Variants in SLC22A12 observed in about 807,000 individuals in gnomAD.
The protein encoded by SLC22A12 is organic anion transporter 4-like protein.
A neutral mutation model predicts 52.7 loss-of-function variants in SLC22A12; 56 were observed. The ratio of observed to expected loss-of-function variants is 1.06; its 90% confidence interval spans 0.86 to 1.33. The LOEUF (loss-of-function observed/expected upper bound fraction) is 1.33. Among genes scored for constraint, SLC22A12 ranks in the 40% most tolerant of loss-of-function variants. SLC22A12 has a pLI of 0.00. For synonymous variants in SLC22A12, 337 were observed against 324.6 expected, an observed-to-expected ratio of 1.04 and a Z score of -0.41; for missense variants, 683 against 741.5, an observed-to-expected ratio of 0.92 and a Z score of 0.92.
chr11:64,597,945 G>A (rs924209997), intron 4 of SLC22A12, among the ~76,000 whole-genome samples: 1 of 152,302 alleles, frequency 6.6e-6, no homozygotes, highest in South Asian at 2.1e-4. Context: ...AGCTGACAGG[G>A]TGCGGCCAGA....
chr11:64,593,466 G>C lies in SLC22A12; in HGVS notation c.568G>C (p.Ala190Pro), dbSNP rs771963398. 1.9e-6 allele frequency: 3 copies of C among 1,614,104 alleles called. No individual in the cohort carries two copies. In the South Asian group the frequency reaches 3.3e-5, roughly 18 times the overall value. ...TCAGATGGCTGTGATGGGTACGGCAGCTGCCTTCGCCCCTGCCTTCCCCGT... is the reference window on the plus strand; with the variant it reads ...TCAGATGGCTGTGATGGGTACGGCACCTGCCTTCGCCCCTGCCTTCCCCGT... ...YLQMAVMGTA[A>P]AFAPAFPVYC... is the part of the protein sequence containing the mutation. Residue 190 changes from alanine to proline, a missense_variant, in exon 3 of 10, where the codon GCT becomes CCT. By Grantham distance (27) the Ala-to-Pro change is conservative. Transcript: ENST00000377574.
At chr11:64,598,731 C>G (rs1467466929) in intron 5 of SLC22A12, 77 bp from the exon 6 acceptor site, 21 of 1,605,538 alleles carry the variant, frequency 1.3e-5, no homozygotes, top group Admixed American at 1.7e-5. Context: ...GACCTCAGCT[C>G]CCTGGGAAGA....
chr11:64,600,639 C>T (rs2039424361), intron 8 of SLC22A12, 96 bp from the exon 9 acceptor site: 1 of 1,564,480 alleles, frequency 6.4e-7, no homozygotes, highest in Non-Finnish European at 8.7e-7. Flanking sequence ...GCCTGACCCC[C>T]TGGGTCTCCC....
chr11:64,595,325 GGA>G, intron 4 of SLC22A12, among the ~76,000 whole-genome samples: 1 of 133,136 alleles, frequency 7.5e-6, no homozygotes, highest in Non-Finnish European at 1.6e-5. Flanking sequence ...ATGGATGGAT[GGA>G]TGGATGGTTG....
rs189421107 is a variant in SLC22A12 at position 64,593,276 on chromosome 11, C to T, written c.507-129C>T. 1.5e-5 allele frequency: 21 copies of T among 1,437,332 alleles called. No individual in the cohort carries two copies. The African/African-American group carries it at 2.1e-4, about 14-fold the overall frequency. 89.0% of individuals were successfully genotyped at this position (1,437,332 alleles called of 1,614,324 possible). A position where few individuals can be genotyped will look rare whatever the true frequency, so the allele number is the denominator to read the frequency against. On this transcript the variant is annotated intron_variant, in intron 2 of 9. Transcript: ENST00000377574. The stretch of plus-strand genomic sequence containing the variant: ...CCGTAGGTGGAGAATGTAGGTTTCA[C>T]CCAGGTGCCGCTTCAGTGTCCGCCT...
intron 4 of SLC22A12, among the ~76,000 whole-genome samples, chr11:64,595,915 T>G (rs1288719850): frequency 9.4e-6 from 1 of 106,052 alleles, no homozygotes; most frequent in African/African-American, 3.9e-5. Context: ...GGATAGATGG[T>G]TGGAAAAGAT....
intron 6 of SLC22A12, 59 bp from the exon 7 acceptor site, chr11:64,599,617 T>TCCCCCC: frequency 5.9e-5 from 1 of 17,020 alleles, no homozygotes. Flanking sequence ...GTTCCCACCC[T>TCCCCCC]GCCCACCACC....
chr11:64,598,462 G>T (rs2039324027), intron 4 of SLC22A12, 54 bp from the exon 5 acceptor site: 10 of 1,549,550 alleles, frequency 6.5e-6, no homozygotes, highest in Non-Finnish European at 8.7e-6. Context: ...GCTGGCGCAG[G>T]CCAGGCACTG....
Position 64,592,836 on chromosome 11 carries a change from G to T in SLC22A12, c.460G>T (p.Ala154Ser). 3 of 1,613,890 alleles carry T rather than the reference G, an allele frequency of 1.9e-6. No homozygotes were observed. The highest frequency in any genetic ancestry group is 2.5e-6 in the Non-Finnish European group (3 of 1,179,986). Residue 154 changes from alanine (A) to serine (S), a missense_variant, in exon 2 of 10, where the codon GCT becomes TCT. Physicochemically the swap from Ala to Ser is moderately conservative, Grantham distance 99 (BLOSUM62 1). Coordinates refer to ENST00000377574, the MANE Select transcript of SLC22A12 (RefSeq NM_144585.4). ...LKPMAQSIYL[A>S]GILVGAAACG... ...GCCCATGGCCCAGTCCATCTACCTG[G>T]CTGGGATTCTGGTGGGAGCTGCTGC...
intron 4 of SLC22A12, among the ~76,000 whole-genome samples, chr11:64,596,461 G>C (rs2135459932): frequency 6.6e-6 from 1 of 152,312 alleles, no homozygotes; most frequent in African/African-American, 2.4e-5. Flanking sequence ...ATGGATAGAT[G>C]GATGGACGGA....
At chr11:64,596,226 CATGG>C (rs1318271469) in intron 4 of SLC22A12, among the ~76,000 whole-genome samples, 1 of 22,208 alleles carries the variant, frequency 4.5e-5, no homozygotes. Flanking sequence ...TGGATGGATG[CATGG>C]ATGGATGGAT....
intron 4 of SLC22A12, among the ~76,000 whole-genome samples, chr11:64,596,249 T>G (rs200408420): frequency 2.4e-5 from 2 of 82,778 alleles, no homozygotes; most frequent in African/African-American, 5.7e-5. Context: ...ATGGATGGAA[T>G]GGATGGATGG....
At position 64,602,017 on chromosome 11, in the gene SLC22A12, G is replaced by C; in HGVS notation, c.*466G>C. 3 of 260,060 alleles carry C rather than the reference G, an allele frequency of 1.2e-5. No homozygotes were observed. Among genetic ancestry groups the C allele is most frequent in the Non-Finnish European group, 2.3e-5 (3 of 131,874 alleles). The allele number at this position is 260,060 out of a possible 1,614,324, so 16.1% of individuals were successfully genotyped here. A position where few individuals can be genotyped will look rare whatever the true frequency, so the allele number is the denominator to read the frequency against. ...ACAGCTTTACCCAGAAGCCCTGTAAGCCTGGCCCCTGGCCCCTCCCCATGT... is the reference window on the plus strand; with the variant it reads ...ACAGCTTTACCCAGAAGCCCTGTAACCCTGGCCCCTGGCCCCTCCCCATGT... On this transcript the variant is annotated 3_prime_UTR_variant, in exon 10 of 10. Coordinates refer to ENST00000377574, the MANE Select transcript of SLC22A12 (RefSeq NM_144585.4).
intron 4 of SLC22A12, among the ~76,000 whole-genome samples, chr11:64,596,418 T>C (rs2039247361): frequency 6.6e-6 from 1 of 151,804 alleles, no homozygotes; most frequent in Non-Finnish European, 1.5e-5. Flanking sequence ...AATGGATGGA[T>C]AGGTGGATTA....
Position 64,599,724 on chromosome 11 carries a change from C to T in SLC22A12, c.1119C>T (p.Ala373=). ...TCGGCCTGGCCCTGGACCTGCAGGCCCTGGGCAGCAACATCTTCCTGCTCC... is the reference window on the plus strand; with the variant it reads ...TCGGCCTGGCCCTGGACCTGCAGGCTCTGGGCAGCAACATCTTCCTGCTCC... The part of the protein sequence containing the change: ...TFFGLALDLQ[A]LGSNIFLLQM... The change falls in exon 7 of 10, where the codon GCC becomes GCT. Residue 373 remains alanine (A), a synonymous_variant. Coordinates refer to ENST00000377574, the MANE Select transcript of SLC22A12 (RefSeq NM_144585.4). 11 of 1,611,176 alleles carry T rather than the reference C, an allele frequency of 6.8e-6. No individual in the cohort carries two copies. Among genetic ancestry groups the T allele is most frequent in the Non-Finnish European group, 9.3e-6 (11 of 1,179,122 alleles).
chr11:64,599,622 A>AC (rs1338308510), intron 6 of SLC22A12, 54 bp from the exon 7 acceptor site: 545 of 16,196 alleles, frequency 0.034, no homozygotes, highest in Admixed American at 0.095. Context: ...CACCCTGCCC[A>AC]CCACCCCCCC....
In SLC22A12 at chr11:64,601,606, T is replaced by C. The variant is rs2039458336; in HGVS notation, c.*55T>C. On this transcript the variant is annotated 3_prime_UTR_variant, in exon 10 of 10. Transcript: ENST00000377574. ...AGAGGAAGAGACTTCTTCTGTTCTCTGGAGAAGGCAGGAGGAAAGCAAAGA... is the reference window on the plus strand; with the variant it reads ...AGAGGAAGAGACTTCTTCTGTTCTCCGGAGAAGGCAGGAGGAAAGCAAAGA... The C allele has an allele frequency of 3.7e-5, 58 of 1,587,860 alleles. 2 individuals carry two copies. The South Asian group carries it at 6.3e-4, about 17-fold the overall frequency.
At position 64,591,702 on chromosome 11, in the gene SLC22A12, G is replaced by A. The variant is rs2038921065; in HGVS notation, c.146G>A (p.Cys49Tyr). 1 of 1,612,292 alleles carries A rather than the reference G, an allele frequency of 6.2e-7. No homozygotes were observed. Among genetic ancestry groups the A allele is most frequent in the Admixed American group, 1.7e-5 (1 of 60,008 alleles). ...TCGGCCGCCGTGCCCAGCCACCGCT[G>A]CTGGGCACCCCTCCTGGACAACAGC... ...NFSAAVPSHR[C>Y]WAPLLDNSTA... Residue 49 changes from cysteine (C) to tyrosine (Y), a missense_variant, in exon 1 of 10, where the codon TGC becomes TAC. Physicochemically the swap from Cys to Tyr is radical, Grantham distance 194. Coordinates refer to ENST00000377574, the MANE Select transcript of SLC22A12 (RefSeq NM_144585.4).
chr11:64,594,214 A>G (rs1259917873), intron 4 of SLC22A12, among the ~76,000 whole-genome samples: 1 of 152,184 alleles, frequency 6.6e-6, no homozygotes, highest in Admixed American at 6.5e-5. Flanking sequence ...GATACAACAC[A>G]TGCCCGCACA....
Sources: gnomAD v4.1 joint callset for allele counts (sites outside exome capture counted in the v4.1 genomes callset) on GRCh38, gnomAD v4.1.1 for gene constraint, MANE v1.5 for transcripts, NCBI Gene and HGNC (gene_info 2026-07-23, HGNC 2026-07-21) for gene names.